CEP350: variants seen among roughly 807,000 people sequenced by gnomAD.
CEP350 encodes the protein centrosomal protein 350, also known as centrosome-associated protein 350.
CEP350 carries 126 observed loss-of-function variants against 331.8 expected under a neutral mutation model. That is an observed-to-expected ratio of 0.38 (90% CI 0.33 to 0.44). The LOEUF (loss-of-function observed/expected upper bound fraction) is 0.44, where lower values mean the gene tolerates loss of function less well. CEP350 is among the 20% of genes least tolerant of loss of function. CEP350 has a pLI of 1.00. For synonymous variants in CEP350, 1,200 were observed against 1,259.5 expected, an observed-to-expected ratio of 0.95 and a Z score of 1.00; for missense variants, 3,406 against 3,634.6, an observed-to-expected ratio of 0.94 and a Z score of 1.62.
intron 32 of CEP350, among the ~76,000 whole-genome samples, chr1:180,090,407 G>C (rs1035606561): frequency 6.6e-6 from 1 of 151,282 alleles, no homozygotes; most frequent in Admixed American, 6.6e-5. Flanking sequence ...TTAGCCGGGC[G>C]TGGTGGCGGG....
intron 31 of CEP350, 51 bp downstream of exon 31, chr1:180,084,229 C>A: frequency 1.4e-6 from 2 of 1,429,670 alleles, no homozygotes; most frequent in Non-Finnish European, 1.8e-6. Flanking sequence ...GTGTATGTGA[C>A]GTCTAAAATG....
At chr1:179,976,700 A>G (rs1651894557) in intron 1 of CEP350, among the ~76,000 whole-genome samples, 1 of 152,150 alleles carries the variant, frequency 6.6e-6, no homozygotes, top group Non-Finnish European at 1.5e-5. Flanking sequence ...AAGAAATGAA[A>G]TATAGGAAAT....
chr1:180,054,559 A>G, intron 25 of CEP350, 57 bp downstream of exon 25: 2 of 1,286,890 alleles, frequency 1.6e-6, no homozygotes, highest in South Asian at 1.3e-5. Context: ...AGTTTGTGGA[A>G]TCTATTATTT....
Position 180,093,186 on chromosome 1 carries a change from T to C in CEP350, c.7081T>C (p.Leu2361=). 1 of 1,599,446 alleles carries C rather than the reference T, an allele frequency of 6.3e-7. No homozygotes were observed. The highest frequency in any genetic ancestry group is 8.5e-7 in the Non-Finnish European group (1 of 1,172,094). Residue 2361 remains leucine (L), a synonymous_variant, in exon 34 of 38, where the codon TTG becomes CTG. Coordinates refer to ENST00000367607, the MANE Select transcript of CEP350 (RefSeq NM_014810.5). ...ACAAAAGAACACAAAGGAAAAAGATTTGTCTTGGTCAGAACATCTTTTTGC... is the reference window on the plus strand; with the variant it reads ...ACAAAAGAACACAAAGGAAAAAGATCTGTCTTGGTCAGAACATCTTTTTGC... The part of the protein sequence containing the change: ...HEQKNTKEKD[L]SWSEHLFAPK...
At chr1:179,993,748 A>G (rs1214600109) in intron 5 of CEP350, among the ~76,000 whole-genome samples, 3 of 152,114 alleles carry the variant, frequency 2.0e-5, no homozygotes, top group Non-Finnish European at 4.4e-5. Flanking sequence ...TGGCCTGTAA[A>G]TTATGTATCT....
chr1:180,071,178 C>T (rs1267644189), intron 27 of CEP350, among the ~76,000 whole-genome samples: 1 of 148,352 alleles, frequency 6.7e-6, no homozygotes, highest in Non-Finnish European at 1.5e-5. Flanking sequence ...GTGAATAAAG[C>T]CGGGCACGGT....
At chr1:179,960,823 G>GC (rs1650552121) in intron 1 of CEP350, among the ~76,000 whole-genome samples, 2 of 152,016 alleles carry the variant, frequency 1.3e-5, no homozygotes, top group Non-Finnish European at 2.9e-5. Flanking sequence ...TTTTCGATCT[G>GC]CTACTAAGTT....
intron 1 of CEP350, among the ~76,000 whole-genome samples, chr1:179,962,112 A>G (rs542782388): frequency 5.9e-5 from 9 of 151,698 alleles, no homozygotes; most frequent in Admixed American, 2.6e-4. Context: ...CTCCCAAGGT[A>G]CTGGTATTAC....
At chr1:180,035,915 C>T (rs1438321413) in intron 16 of CEP350, among the ~76,000 whole-genome samples, 1 of 152,130 alleles carries the variant, frequency 6.6e-6, no homozygotes, top group African/African-American at 2.4e-5. Context: ...GATAGTGATT[C>T]CTCTGCTGAT....
intron 6 of CEP350, among the ~76,000 whole-genome samples, chr1:179,999,868 A>G (rs1395303484): frequency 1.3e-5 from 2 of 152,284 alleles, no homozygotes; most frequent in East Asian, 3.9e-4. Context: ...GAAGTGCTCT[A>G]TGGTTCTGCT....
At chr1:180,059,099 T>C (rs1257658141) in intron 25 of CEP350, among the ~76,000 whole-genome samples, 1 of 152,232 alleles carries the variant, frequency 6.6e-6, no homozygotes, top group Non-Finnish European at 1.5e-5. Context: ...GTTTCCCAAG[T>C]ATTCCTTAGA....
At position 179,978,400 on chromosome 1, in the gene CEP350, A is replaced by G. The variant is rs893402136; in HGVS notation, c.-13-7769A>G. Among the ~76,000 whole-genome samples, 3 of 152,226 alleles carry G rather than the reference A, an allele frequency of 2.0e-5. No homozygotes were observed. The East Asian group carries it at 5.8e-4, about 29-fold the overall frequency. ...CTTGTTTGTGTTGGGGACATTCAGT[A>G]TCTTCTCTTCTGTCAACTTGAAAAT... On this transcript the variant is annotated intron_variant, in intron 1 of 37. Coordinates refer to ENST00000367607, the MANE Select transcript of CEP350 (RefSeq NM_014810.5).
intron 37 of CEP350, among the ~76,000 whole-genome samples, chr1:180,110,792 T>C (rs188686346): frequency 1.0e-3 from 159 of 152,354 alleles, no homozygotes; most frequent in South Asian, 3.7e-3. Flanking sequence ...ATGTTATTTT[T>C]GAAGTCATTT....
Position 179,992,233 on chromosome 1 carries a change from G to GAA in CEP350, c.395+21_395+22dup, listed in dbSNP as rs148001345. Reference sequence around the variant, plus strand: ...TTGGTTTCTTATAGGTTAGTATTGAGAAAAAAAAAAGGTATCAAATAGGTT... The same window carrying GAA: ...TTGGTTTCTTATAGGTTAGTATTGAGAAAAAAAAAAAAGGTATCAAATAGGTT... On this transcript the variant is annotated intron_variant, in intron 5 of 37. Coordinates refer to ENST00000367607, the MANE Select transcript of CEP350 (RefSeq NM_014810.5). 45 of 1,308,118 alleles carry GAA rather than the reference G, an allele frequency of 3.4e-5. No individual in the cohort carries two copies. The African/African-American group carries it at 4.8e-4, about 14-fold the overall frequency. The allele number at this position is 1,308,118 out of a possible 1,614,324, so 81.0% of individuals were successfully genotyped here.
intron 7 of CEP350, among the ~76,000 whole-genome samples, chr1:180,004,927 C>CTG (rs1654147809): frequency 1.3e-5 from 1 of 74,962 alleles, no homozygotes; most frequent in Non-Finnish European, 2.7e-5. Context: ...TTCTTTCTTT[C>CTG]TTTCTTTCTT....
chr1:180,095,601 C>G lies in CEP350; in HGVS notation c.8590C>G (p.Leu2864Val), dbSNP rs1226428568. ...LAELELSREF[L>V]SALGDDQDWF... ...TGAACTTGAACTCAGCCGGGAGTTC[C>G]TGAGCGCGTTAGGAGATGATCAAGA... is the stretch of plus-strand genomic sequence containing the variant. The change falls in exon 35 of 38, where the codon CTG becomes GTG. Residue 2864 changes from leucine (L) to valine (V), a missense_variant. Physicochemically the swap from Leu to Val is conservative, Grantham distance 32. Coordinates refer to ENST00000367607, the MANE Select transcript of CEP350 (RefSeq NM_014810.5). The G allele has an allele frequency of 6.2e-7, 1 of 1,613,744 alleles. No homozygotes were observed.
chr1:180,010,887 G>A (rs940130845), intron 8 of CEP350, among the ~76,000 whole-genome samples: 1 of 152,022 alleles, frequency 6.6e-6, no homozygotes, highest in Non-Finnish European at 1.5e-5. Flanking sequence ...TGGGATTATA[G>A]GCATGAGCCA....
chr1:180,018,632 A>G (rs1463994485), intron 11 of CEP350, among the ~76,000 whole-genome samples: 1 of 152,072 alleles, frequency 6.6e-6, no homozygotes, highest in East Asian at 1.9e-4. Flanking sequence ...CCTTCAGATG[A>G]CTTATTTTAA....
At chr1:180,107,099 G>A (rs1042956052) in intron 37 of CEP350, among the ~76,000 whole-genome samples, 2 of 152,094 alleles carry the variant, frequency 1.3e-5, no homozygotes, top group Non-Finnish European at 2.9e-5. Context: ...TAGAGCTAAA[G>A]ACAGCCTTTC....
Sources: gnomAD v4.1 joint callset for allele counts (sites outside exome capture counted in the v4.1 genomes callset) on GRCh38, gnomAD v4.1.1 for gene constraint, MANE v1.5 for transcripts, NCBI Gene and HGNC (gene_info 2026-07-23, HGNC 2026-07-21) for gene names.